Variants in CTNNA2 observed in about 807,000 individuals in gnomAD.
CTNNA2 encodes the protein catenin alpha-2.
Under a neutral mutation model 101.0 loss-of-function variants are expected in CTNNA2, and 42 were observed. The ratio of observed to expected loss-of-function variants is 0.42; its 90% CI spans 0.32 to 0.54. CTNNA2 has a LOEUF of 0.54. CTNNA2 is among the 20% of genes least tolerant of loss of function. The pLI is 0.14. For synonymous variants in CTNNA2, 450 were observed against 456.4 expected (o/e 0.99, Z 0.18); for missense variants, 871 against 1,223.1 (o/e 0.71, Z 4.29).
chr2:79,962,674 G>A (rs977657832), intron 7 of CTNNA2, among the ~76,000 whole-genome samples: 1 of 152,156 alleles, frequency 6.6e-6, no homozygotes, highest in Admixed American at 6.5e-5. Flanking sequence ...GCTAAGTTCC[G>A]ACTGGTAGGT....
rs571090208 is a variant in CTNNA2 at position 80,328,925 on chromosome 2, A to C, written c.1057-64286A>C. 7.9e-5 allele frequency among the ~76,000 whole-genome samples: 12 copies of C among 152,196 alleles called. No homozygotes were observed. The East Asian group carries it at 2.3e-3, about 29-fold the overall frequency. ...GCAATGCCAATATGAAGGACCATGT[A>C]TCAGGTTTCTATATATGTTCCATTA... On this transcript the variant is annotated intron_variant, in intron 7 of 18. Transcript: ENST00000402739.
chr2:79,488,489 T>C (rs1353812522), intron 4 of CTNNA2, among the ~76,000 whole-genome samples: 1 of 152,112 alleles, frequency 6.6e-6, no homozygotes, highest in East Asian at 1.9e-4. Flanking sequence ...ACAGAAATGA[T>C]AATCAGGAAC....
intron 7 of CTNNA2, among the ~76,000 whole-genome samples, chr2:80,325,970 C>T (rs541253261): frequency 7.5e-4 from 114 of 152,238 alleles, no homozygotes; most frequent in African/African-American, 2.4e-3. Flanking sequence ...CTCCGTCCAG[C>T]GGTCTTTTTA....
rs867464132 is a variant in CTNNA2 at position 80,583,098 on chromosome 2, A to G, written c.2007+1279A>G. Among the ~76,000 whole-genome samples, 5 of 152,328 alleles carry G rather than the reference A, an allele frequency of 3.3e-5. No homozygotes were observed. The South Asian group carries it at 1.0e-3, about 32-fold the overall frequency. ...AATTATAAAGGGCAGCATTAGAACC[A>G]TGCTCAAAGCTACATGTTGCTTGAT... On this transcript the variant is annotated intron_variant, in intron 14 of 18. Coordinates refer to ENST00000402739, the MANE Select transcript of CTNNA2 (RefSeq NM_001282597.3).
chr2:79,444,705 C>T (rs7579582), intron 4 of CTNNA2, among the ~76,000 whole-genome samples: 6,666 of 152,018 alleles, frequency 0.044, 461 homozygotes, highest in African/African-American at 0.15. Flanking sequence ...GTGTGTCAAA[C>T]GATGGGGTTG....
chr2:80,541,167 A>G (rs1691520891), intron 9 of CTNNA2, among the ~76,000 whole-genome samples: 1 of 152,268 alleles, frequency 6.6e-6, no homozygotes, highest in Non-Finnish European at 1.5e-5. Flanking sequence ...GGATTTGGAT[A>G]GAGCCCATGA....
At chr2:79,284,588 C>A (rs1458334700) in intron 2 of CTNNA2, among the ~76,000 whole-genome samples, 23 of 149,944 alleles carry the variant, frequency 1.5e-4, no homozygotes, top group Non-Finnish European at 3.1e-4. Flanking sequence ...ATTGAACCAG[C>A]CTTGCATCCC....
chr2:80,201,335 T>A (rs1707191973), intron 7 of CTNNA2, among the ~76,000 whole-genome samples: 1 of 151,660 alleles, frequency 6.6e-6, no homozygotes, highest in Non-Finnish European at 1.5e-5. Flanking sequence ...TTTGGGCATG[T>A]TTTATCGTAT....
At chr2:79,270,471 T>C (rs1157792071) in intron 2 of CTNNA2, among the ~76,000 whole-genome samples, 3 of 152,124 alleles carry the variant, frequency 2.0e-5, no homozygotes, top group Non-Finnish European at 4.4e-5. Flanking sequence ...TAATTCTTGG[T>C]AATTGAGCTC....
chr2:80,267,203 CA>C (rs771167337), intron 7 of CTNNA2, among the ~76,000 whole-genome samples: 35 of 152,210 alleles, frequency 2.3e-4, no homozygotes, highest in Non-Finnish European at 4.4e-4. Flanking sequence ...ACTTCCCCCA[CA>C]TCTTCCCACT....
Position 80,147,930 on chromosome 2 carries a change from G to A in CTNNA2, c.1056+238133G>A, listed in dbSNP as rs1166822966. 4.6e-5 allele frequency among the ~76,000 whole-genome samples: 7 copies of A among 152,282 alleles called. No individual in the cohort carries two copies. In the South Asian group the frequency reaches 1.2e-3, roughly 27 times the overall value. ...GTACAGGGGAAAGTTTTGTCTTCACGGAGTCAGTGTGGCTCATCTGTCTTT... is the reference window on the plus strand; with the variant it reads ...GTACAGGGGAAAGTTTTGTCTTCACAGAGTCAGTGTGGCTCATCTGTCTTT... On this transcript the variant is annotated intron_variant, in intron 7 of 18. Coordinates refer to ENST00000402739, the MANE Select transcript of CTNNA2 (RefSeq NM_001282597.3).
chr2:80,263,475 C>T (rs1046190704), intron 7 of CTNNA2, among the ~76,000 whole-genome samples: 2 of 152,130 alleles, frequency 1.3e-5, no homozygotes, highest in Non-Finnish European at 2.9e-5. Context: ...GATGGGATTA[C>T]AGGCACGTGC....
intron 7 of CTNNA2, among the ~76,000 whole-genome samples, chr2:80,175,333 T>C (rs374537944): frequency 2.0e-5 from 3 of 152,190 alleles, no homozygotes; most frequent in East Asian, 3.9e-4. Flanking sequence ...TTTCATTAAT[T>C]GTTTGGTCAA....
intron 2 of CTNNA2, among the ~76,000 whole-genome samples, chr2:79,275,485 C>T (rs1053462666): frequency 6.6e-6 from 1 of 151,898 alleles, no homozygotes; most frequent in Non-Finnish European, 1.5e-5. Context: ...CACAGTAGTA[C>T]CAATCAATTT....
At chr2:80,047,015 C>T (rs1457049723) in intron 7 of CTNNA2, among the ~76,000 whole-genome samples, 1 of 152,132 alleles carries the variant, frequency 6.6e-6, no homozygotes, top group Non-Finnish European at 1.5e-5. Context: ...GCCAGTGGCA[C>T]TGCTACCCCC....
intron 7 of CTNNA2, among the ~76,000 whole-genome samples, chr2:79,918,803 G>C (rs1298858458): frequency 6.6e-6 from 1 of 152,142 alleles, no homozygotes; most frequent in Non-Finnish European, 1.5e-5. Flanking sequence ...AAGAACATAA[G>C]TTGACCTTCC....
chr2:80,403,051 A>G (rs1470211604), intron 8 of CTNNA2, among the ~76,000 whole-genome samples: 2 of 152,160 alleles, frequency 1.3e-5, no homozygotes, highest in Non-Finnish European at 2.9e-5. Context: ...AACACTTTAA[A>G]AAATCAAAAA....
chr2:79,417,372 C>A lies in CTNNA2; in HGVS notation c.-135+43359C>A, dbSNP rs369741921. On this transcript the variant is annotated intron_variant, in intron 4 of 21. Transcript: ENST00000466387. The stretch of plus-strand genomic sequence containing the variant: ...GATTACAAATATGGGTGTAAAAAGG[C>A]AAATTCTTCTTTTAAAGATTGGAGC... Among the ~76,000 whole-genome samples, 5 of 152,028 alleles carry A rather than the reference C, an allele frequency of 3.3e-5. No individual in the cohort carries two copies. In the East Asian group the frequency reaches 7.7e-4, roughly 24 times the overall value.
intron 7 of CTNNA2, among the ~76,000 whole-genome samples, chr2:79,927,487 A>G (rs1043320227): frequency 3.3e-5 from 5 of 152,168 alleles, no homozygotes; most frequent in East Asian, 1.9e-4. Context: ...AACAGATTCA[A>G]GGAGAATAAC....
Sources: gnomAD v4.1 joint callset for allele counts (sites outside exome capture counted in the v4.1 genomes callset) on GRCh38, gnomAD v4.1.1 for gene constraint, MANE v1.5 for transcripts, NCBI Gene and HGNC (gene_info 2026-07-23, HGNC 2026-07-21) for gene names.